The following IGSF10 variants were observed in gnomAD, a reference collection of about 807,000 sequenced individuals.
The protein encoded by IGSF10 is calvaria mechanical force protein 608.
Under a neutral mutation model 128.2 loss-of-function variants are expected in IGSF10, and 126 were observed. The observed-to-expected ratio is 0.98, with a 90% CI of 0.85 to 1.14. The LOEUF is 1.14. Ranked by LOEUF, IGSF10 falls within the 50% of genes most tolerant of loss-of-function variation. IGSF10 has a pLI of 0.00. For missense variants in IGSF10, 3,295 were observed against 3,149.8 expected, an observed-to-expected ratio of 1.05 and a Z score of -1.10; for synonymous variants, 1,185 against 1,146.2, an observed-to-expected ratio of 1.03 and a Z score of -0.68.
the IGSF10 span, among the ~76,000 whole-genome samples, chr3:151,532,305 G>T: frequency 2.0e-5 from 3 of 152,114 alleles, no homozygotes; most frequent in Non-Finnish European, 4.4e-5. Context: ...CATAGAAAAG[G>T]AGGGAATCCT....
the IGSF10 span, among the ~76,000 whole-genome samples, chr3:151,557,786 C>T: frequency 6.6e-6 from 1 of 150,990 alleles, no homozygotes; most frequent in East Asian, 2.0e-4. Flanking sequence ...AGTCTGGGAT[C>T]GTTATTTGCT....
At chr3:151,556,495 G>A in the IGSF10 span, among the ~76,000 whole-genome samples, 1 of 152,062 alleles carries the variant, frequency 6.6e-6, no homozygotes, top group Non-Finnish European at 1.5e-5. Context: ...AAAAAATGGA[G>A]AGAAAAACTG....
At chr3:151,616,830 T>C in the IGSF10 span, among the ~76,000 whole-genome samples, 1 of 152,126 alleles carries the variant, frequency 6.6e-6, no homozygotes, top group African/African-American at 2.4e-5. Flanking sequence ...TGAGACTGGG[T>C]AAGTTATAAA....
chr3:151,520,331 G>T, the IGSF10 span, among the ~76,000 whole-genome samples: 2 of 151,800 alleles, frequency 1.3e-5, no homozygotes, highest in Non-Finnish European at 2.9e-5. Flanking sequence ...TCTTGGCTAG[G>T]AAAGGATGGT....
the IGSF10 span, among the ~76,000 whole-genome samples, chr3:151,466,521 C>G: frequency 6.6e-6 from 1 of 152,142 alleles, no homozygotes; most frequent in Non-Finnish European, 1.5e-5. Context: ...CCTTCTGGAA[C>G]TCCAGCTAAT....
At chr3:151,517,793 T>C in the IGSF10 span, among the ~76,000 whole-genome samples, 1 of 151,934 alleles carries the variant, frequency 6.6e-6, no homozygotes, top group Non-Finnish European at 1.5e-5. Context: ...AAATGTAACA[T>C]AATCAAACTA....
the IGSF10 span, among the ~76,000 whole-genome samples, chr3:151,584,298 C>A: frequency 6.6e-6 from 1 of 152,172 alleles, no homozygotes; most frequent in Non-Finnish European, 1.5e-5. Context: ...CATAGTACAT[C>A]TTTCCGTACC....
At chr3:151,462,602 G>A (rs777596692), upstream of IGSF10, among the ~76,000 whole-genome samples, 23 of 152,230 alleles carry the variant, frequency 1.5e-4, no homozygotes, top group Non-Finnish European at 2.6e-4. Context: ...TAGAAAAGCC[G>A]TTAATTCAAA....
chr3:151,580,681 A>C, the IGSF10 span, among the ~76,000 whole-genome samples: 2 of 152,214 alleles, frequency 1.3e-5, no homozygotes, highest in Non-Finnish European at 2.9e-5. Context: ...ACGTTAAAAA[A>C]AAAATCTGTC....
At chr3:151,472,349 G>T in the IGSF10 span, among the ~76,000 whole-genome samples, 1 of 152,158 alleles carries the variant, frequency 6.6e-6, no homozygotes, top group Non-Finnish European at 1.5e-5. Flanking sequence ...GCTGTGATAA[G>T]AAATTAGAAA....
At chr3:151,534,570 G>GT in the IGSF10 span, among the ~76,000 whole-genome samples, 79 of 145,502 alleles carry the variant, frequency 5.4e-4, no homozygotes, top group African/African-American at 1.9e-3. Flanking sequence ...AACCAAACAA[G>GT]TTTCTGTTCT....
chr3:151,540,514 C>T, the IGSF10 span, among the ~76,000 whole-genome samples: 2 of 152,046 alleles, frequency 1.3e-5, no homozygotes, highest in African/African-American at 4.8e-5. Flanking sequence ...GTAACTAAAC[C>T]ACAGTGTAGT....
At chr3:151,463,538 TTTTTTTTTTTTTTTTTTTTTTTTC>T (rs1191278519), upstream of IGSF10, among the ~76,000 whole-genome samples, 51 of 106,658 alleles carry the variant, frequency 4.8e-4, no homozygotes, top group African/African-American at 2.0e-3. Context: ...TTTTTTTTTT[TTTTTTTTTTTTTTTTTTTTTTTTC>T]TGAGACGGAG....
the IGSF10 span, among the ~76,000 whole-genome samples, chr3:151,556,428 G>A: frequency 6.6e-6 from 1 of 152,170 alleles, no homozygotes; most frequent in African/African-American, 2.4e-5. Context: ...GACCAGTTAT[G>A]CTAAGGAAAA....
the IGSF10 span, among the ~76,000 whole-genome samples, chr3:151,607,912 G>GAAAAAA: frequency 1.3e-3 from 53 of 42,048 alleles, no homozygotes; most frequent in South Asian, 2.8e-3. Context: ...CTCCATCTCG[G>GAAAAAA]AAAAAAAAAA....
chr3:151,563,782 T>G, the IGSF10 span, among the ~76,000 whole-genome samples: 7 of 152,332 alleles, frequency 4.6e-5, no homozygotes, highest in East Asian at 1.3e-3. Flanking sequence ...AAGCCATAAT[T>G]TATTTAACAA....
chr3:151,557,953 C>T, the IGSF10 span, among the ~76,000 whole-genome samples: 1 of 87,830 alleles, frequency 1.1e-5, no homozygotes, highest in Non-Finnish European at 2.4e-5. Context: ...GTATTTCATG[C>T]CTTGCTGCTT....
chr3:151,452,250 C>A (rs1721544052), intron 5 of IGSF10, among the ~76,000 whole-genome samples: 1 of 152,176 alleles, frequency 6.6e-6, no homozygotes, highest in Non-Finnish European at 1.5e-5. Context: ...AAAAATGCAT[C>A]ATTAGGCAAT....
the IGSF10 span, among the ~76,000 whole-genome samples, chr3:151,508,331 G>A: frequency 6.6e-6 from 1 of 152,088 alleles, no homozygotes; most frequent in Non-Finnish European, 1.5e-5. Context: ...ATTAGTTTTA[G>A]TATTGATAAT....
Sources: gnomAD v4.1 joint callset for allele counts (sites outside exome capture counted in the v4.1 genomes callset) on GRCh38, gnomAD v4.1.1 for gene constraint, MANE v1.5 for transcripts, NCBI Gene and HGNC (gene_info 2026-07-23, HGNC 2026-07-21) for gene names.